VPS13A: variants seen among roughly 807,000 people sequenced by gnomAD.
VPS13A encodes vacuolar protein sorting 13 homolog A.
In VPS13A, 264 loss-of-function variants were observed where a neutral mutation model predicts 390.9. The observed-to-expected ratio is 0.68, with a 90% confidence interval of 0.61 to 0.75. The LOEUF is 0.75. Ranked by LOEUF, VPS13A falls within the 30% of genes least tolerant of loss-of-function variation. VPS13A has a pLI of 0.00. For missense variants in VPS13A, 3,409 were observed against 3,733.9 expected (o/e 0.91, Z 2.27); for synonymous variants, 1,231 against 1,227.1 (o/e 1.00, Z -0.07).
At chr9:77,336,921 T>C (rs755562317) in intron 46 of VPS13A, among the ~76,000 whole-genome samples, 2 of 150,260 alleles carry the variant, frequency 1.3e-5, no homozygotes, top group African/African-American at 4.9e-5. Flanking sequence ...CTCAGCCTCC[T>C]GAGTAGCTGG....
intron 23 of VPS13A, among the ~76,000 whole-genome samples, chr9:77,261,187 C>A (rs1460999246): frequency 6.6e-6 from 1 of 152,094 alleles, no homozygotes; most frequent in East Asian, 1.9e-4. Context: ...GCGTGAACCA[C>A]CGTGCCCGGC....
At chr9:77,391,634 A>G (rs536610071) in intron 68 of VPS13A, among the ~76,000 whole-genome samples, 3 of 152,310 alleles carry the variant, frequency 2.0e-5, no homozygotes, top group South Asian at 4.1e-4. Context: ...ATAAAGAAAT[A>G]TAGATTTAGA....
chr9:77,405,763 G>A, intron 69 of VPS13A, 101 bp from the exon 70 acceptor site: 1 of 1,434,880 alleles, frequency 7.0e-7, no homozygotes, highest in South Asian at 1.2e-5. Context: ...CTATGTTGAT[G>A]AATATTGCAT....
In VPS13A at chr9:77,238,053, A is replaced by AG; in HGVS notation, c.1648dup (p.Glu550GlyfsTer11). The AG allele has an allele frequency of 1.2e-6, 2 of 1,613,554 alleles. No homozygotes were observed. Among genetic ancestry groups the AG allele is most frequent in the Non-Finnish European group, 1.7e-6 (2 of 1,179,674 alleles). On this transcript the variant is annotated frameshift_variant, in exon 18 of 72. Transcript: ENST00000360280. LOFTEE classifies it high-confidence loss of function. ...ATATTACTGGCTTACCAGATAATTC[A>AG]GAAAAACCCCGCCTCCTGTCTTCAT...
At chr9:77,268,956 A>G (rs1826199212) in intron 23 of VPS13A, among the ~76,000 whole-genome samples, 1 of 151,578 alleles carries the variant, frequency 6.6e-6, no homozygotes, top group Admixed American at 6.6e-5. Context: ...AAAAAAAAAG[A>G]AAGTGAGTTA....
chr9:77,267,307 A>G (rs1008916313), intron 23 of VPS13A, among the ~76,000 whole-genome samples: 1 of 152,024 alleles, frequency 6.6e-6, no homozygotes, highest in Non-Finnish European at 1.5e-5. Context: ...GGATTTATCT[A>G]CCTTGAGTCT....
At position 77,207,239 on chromosome 9, in the gene VPS13A, A is replaced by ACACG. The variant is rs1404204047; in HGVS notation, c.385+1160_385+1161insCACG. Among the ~76,000 whole-genome samples the ACACG allele has an allele frequency of 4.4e-5, 5 of 113,580 alleles. No individual in the cohort carries two copies. In the Admixed American group the frequency reaches 4.6e-4, roughly 10 times the overall value. The allele number at this position is 113,580 out of a possible 152,430, so 74.5% of individuals were successfully genotyped here. A position where few individuals can be genotyped will look rare whatever the true frequency, so the allele number is the denominator to read the frequency against. ...TATATATATATATATATATATATAT[A>ACACG]TATATATATATATAAAACGTGTTAT... On this transcript the variant is annotated intron_variant, in intron 5 of 71. Transcript: ENST00000360280.
chr9:77,375,801 G>A (rs1265233290), intron 67 of VPS13A, among the ~76,000 whole-genome samples: 2 of 152,196 alleles, frequency 1.3e-5, no homozygotes, highest in African/African-American at 4.8e-5. Flanking sequence ...ATTTTAGGGA[G>A]CATTGTCTAT....
chr9:77,260,857 G>A (rs781126145), intron 23 of VPS13A, among the ~76,000 whole-genome samples: 6 of 151,542 alleles, frequency 4.0e-5, no homozygotes, highest in Non-Finnish European at 8.8e-5. Context: ...GAACATGCAT[G>A]TGTGTGTGTA....
intron 68 of VPS13A, among the ~76,000 whole-genome samples, chr9:77,393,555 G>T (rs999599291): frequency 2.0e-5 from 3 of 152,156 alleles, no homozygotes; most frequent in African/African-American, 7.2e-5. Flanking sequence ...CTTGAAAGTT[G>T]AAATTACTGT....
At chr9:77,327,645 TTATTA>T (rs1830079332) in intron 45 of VPS13A, among the ~76,000 whole-genome samples, 2 of 150,302 alleles carry the variant, frequency 1.3e-5, no homozygotes, top group East Asian at 3.9e-4. Flanking sequence ...ATTATTATTA[TTATTA>T]TTATATATTA....
chr9:77,293,099 G>T (rs917659344), intron 31 of VPS13A, among the ~76,000 whole-genome samples: 3 of 151,646 alleles, frequency 2.0e-5, no homozygotes, highest in African/African-American at 7.3e-5. Context: ...AAAAGCTGGA[G>T]CCACACCTAC....
chr9:77,248,950 T>G (rs1297125021), intron 20 of VPS13A, among the ~76,000 whole-genome samples: 1 of 152,228 alleles, frequency 6.6e-6, no homozygotes, highest in Non-Finnish European at 1.5e-5. Context: ...CAGGCTGGTC[T>G]TGAGCCCCTG....
chr9:77,220,117 A>G (rs1823108838), intron 11 of VPS13A, 36 bp downstream of exon 11: 1 of 1,579,820 alleles, frequency 6.3e-7, no homozygotes, highest in Non-Finnish European at 8.7e-7. Flanking sequence ...ATTGTGAATT[A>G]TTGTTTGATA....
rs1825710292 is a variant in VPS13A at position 77,207,239 on chromosome 9, AT to A, written c.385+1161del. Among the ~76,000 whole-genome samples the A allele has an allele frequency of 4.4e-5, 5 of 113,568 alleles. 1 individual carries two copies. In the South Asian group the frequency reaches 8.3e-4, roughly 19 times the overall value. 74.5% of individuals were successfully genotyped at this position (113,568 alleles called of 152,430 possible). ...TATATATATATATATATATATATAT[AT>A]ATATATATATATAAAACGTGTTATA... On this transcript the variant is annotated intron_variant, in intron 5 of 71. Transcript: ENST00000360280.
chr9:77,341,557 G>A (rs933916536), intron 50 of VPS13A, among the ~76,000 whole-genome samples: 6 of 151,414 alleles, frequency 4.0e-5, no homozygotes, highest in Non-Finnish European at 8.8e-5. Flanking sequence ...CCATTCTTCC[G>A]TTTTTTTCCA....
rs567305517 is a variant in VPS13A, at chr9:77,369,182, G to T, written c.8554-117G>T. The stretch of plus-strand genomic sequence containing the variant: ...ATTAATAAAATGAGATGGTTTAGGA[G>T]TTGAAATTGGCATTAAAGGTGTTGG... On this transcript the variant is annotated intron_variant, in intron 62 of 71. Coordinates refer to ENST00000360280, the MANE Select transcript of VPS13A (RefSeq NM_033305.3). The T allele has an allele frequency of 4.3e-5, 33 of 760,904 alleles. No individual in the cohort carries two copies. In the East Asian group the frequency reaches 6.9e-4, roughly 16 times the overall value. The allele number at this position is 760,904 out of a possible 1,614,324, so 47.1% of individuals were successfully genotyped here. A position where few individuals can be genotyped will look rare whatever the true frequency, so the allele number is the denominator to read the frequency against.
intron 1 of VPS13A, among the ~76,000 whole-genome samples, chr9:77,199,078 T>G (rs1315113257): frequency 2.0e-5 from 3 of 152,234 alleles, no homozygotes; most frequent in Admixed American, 2.0e-4. Context: ...ATTTTGCTAA[T>G]TACTTTCTAT....
rs907349174 is a variant in VPS13A at position 77,342,009 on chromosome 9, G to C, written c.7026+1459G>C. 2.0e-5 allele frequency among the ~76,000 whole-genome samples: 3 copies of C among 152,114 alleles called. No individual in the cohort carries two copies. The East Asian group carries it at 5.8e-4, about 29-fold the overall frequency. ...GTCTAATGTGGGAAAGTCTGATGTAGGATAAGGGACATTGAGAGTTCAAGA... is the reference window on the plus strand; with the variant it reads ...GTCTAATGTGGGAAAGTCTGATGTACGATAAGGGACATTGAGAGTTCAAGA... On this transcript the variant is annotated intron_variant, in intron 50 of 71. Coordinates refer to ENST00000360280, the MANE Select transcript of VPS13A (RefSeq NM_033305.3).
Sources: gnomAD v4.1 joint callset for allele counts (sites outside exome capture counted in the v4.1 genomes callset) on GRCh38, gnomAD v4.1.1 for gene constraint, MANE v1.5 for transcripts, NCBI Gene and HGNC (gene_info 2026-07-23, HGNC 2026-07-21) for gene names.